KRABD3: variants seen among roughly 807,000 people sequenced by gnomAD.
KRABD3 encodes the protein KRAB domain-containing protein 3.
chr7:149,722,485 G>T, the KRABD3 span: 1 of 890,578 alleles, frequency 1.1e-6, no homozygotes, highest in Non-Finnish European at 1.7e-6. Context: ...GGGGAGCCCA[G>T]CCCTCCCACC....
chr7:149,728,484 C>A, the KRABD3 span: 1 of 1,604,782 alleles, frequency 6.2e-7, no homozygotes. Flanking sequence ...AGAGATTGAG[C>A]TACAGTCCCC....
At chr7:149,722,352 C>A in the KRABD3 span, 1 of 1,556,144 alleles carries the variant, frequency 6.4e-7, no homozygotes, top group South Asian at 1.2e-5. Context: ...CTATGGGAAC[C>A]AGATCTGGTG....
At chr7:149,723,839 G>A in the KRABD3 span, 8 of 1,613,932 alleles carry the variant, frequency 5.0e-6, no homozygotes, top group Non-Finnish European at 5.9e-6. Flanking sequence ...TCAGGAGTGG[G>A]GAACCGACGG....
At chr7:149,722,932 G>C in the KRABD3 span, 2 of 1,603,994 alleles carry the variant, frequency 1.2e-6, no homozygotes, top group Non-Finnish European at 1.7e-6. Flanking sequence ...AGCAGACCTG[G>C]GGCCTGGGAG....
At chr7:149,721,036 G>C in the KRABD3 span, 307,944 of 1,597,606 alleles carry the variant, frequency 0.19, 31,428 homozygotes, top group Middle Eastern at 0.35. Flanking sequence ...TCTGCACTCC[G>C]CATGATGAAG....
the KRABD3 span, chr7:149,734,275 C>G: frequency 3.4e-6 from 2 of 583,418 alleles, no homozygotes; most frequent in Non-Finnish European, 5.9e-6. Flanking sequence ...GGCTCAGATT[C>G]AATCAAATGT....
At chr7:149,725,303 C>G in the KRABD3 span, 7 of 1,568,058 alleles carry the variant, frequency 4.5e-6, no homozygotes, top group Non-Finnish European at 6.1e-6. Context: ...AGGGTGCTCT[C>G]TCCTGTTCCA....
At chr7:149,730,190 C>T in the KRABD3 span, 1 of 1,574,504 alleles carries the variant, frequency 6.4e-7, no homozygotes, top group Non-Finnish European at 8.6e-7. Context: ...TGGAGAGCGC[C>T]CTGAGGGGGA....
At chr7:149,715,332 A>T in the KRABD3 span, 1 of 1,210,400 alleles carries the variant, frequency 8.3e-7, no homozygotes, top group East Asian at 3.3e-5. Context: ...TAGAGTGGGC[A>T]TGAAGGCCTC....
the KRABD3 span, chr7:149,725,814 C>T: frequency 9.9e-5 from 136 of 1,370,534 alleles, 1 homozygote; most frequent in South Asian, 1.6e-3. Context: ...TTCTGGTGCC[C>T]GTGCACCCCA....
At chr7:149,726,818 G>A in the KRABD3 span, among the ~76,000 whole-genome samples, 1 of 151,990 alleles carries the variant, frequency 6.6e-6, no homozygotes, top group Admixed American at 6.6e-5. Flanking sequence ...CTGAGGCAGG[G>A]GATCACTTGA....
chr7:149,729,035 C>T, the KRABD3 span, among the ~76,000 whole-genome samples: 45 of 152,238 alleles, frequency 3.0e-4, no homozygotes, highest in Non-Finnish European at 1.0e-4. Context: ...AGGGTTCAGG[C>T]GCTCCCTGGA....
chr7:149,728,160 G>C, the KRABD3 span, among the ~76,000 whole-genome samples: 1 of 152,266 alleles, frequency 6.6e-6, no homozygotes, highest in Admixed American at 6.5e-5. Flanking sequence ...TGCTGTGAGT[G>C]GTGAAGGAAG....
At chr7:149,731,077 G>A in the KRABD3 span, among the ~76,000 whole-genome samples, 1 of 152,194 alleles carries the variant, frequency 6.6e-6, no homozygotes, top group African/African-American at 2.4e-5. Context: ...GGTCCCAGTT[G>A]CCTGGGAGAA....
the KRABD3 span, chr7:149,731,810 G>A: frequency 1.1e-5 from 17 of 1,517,318 alleles, no homozygotes; most frequent in Admixed American, 1.9e-5. Flanking sequence ...CCCTCTGCAC[G>A]GGCCAGGACC....
the KRABD3 span, chr7:149,719,725 G>A: frequency 1.9e-6 from 3 of 1,565,852 alleles, no homozygotes; most frequent in Admixed American, 4.1e-5. The surrounding 1 kb of genome is among the most constrained non-coding windows in gnomAD (Gnocchi z 5.6). Context: ...GGCGGTGGAA[G>A]GGAGGCCGGA....
the KRABD3 span, among the ~76,000 whole-genome samples, chr7:149,716,903 G>A: frequency 1.1e-4 from 16 of 152,212 alleles, no homozygotes; most frequent in African/African-American, 2.2e-4. Flanking sequence ...CCTCTATGAG[G>A]TAGGTTGTTA....
the KRABD3 span, chr7:149,715,368 T>TCTGTTCTTGGTGGAATCCTGGATCCCCCG: frequency 8.5e-7 from 1 of 1,170,032 alleles, no homozygotes; most frequent in Non-Finnish European, 1.1e-6. Flanking sequence ...ATCTCATACT[T>TCTGTTCTTGGTGGAATCCTGGATCCCCCG]CTGTTCTTGG....
At chr7:149,721,856 C>T in the KRABD3 span, 1 of 533,736 alleles carries the variant, frequency 1.9e-6, no homozygotes, top group African/African-American at 1.9e-5. Flanking sequence ...TACCTGTGTG[C>T]ACTGGTCTGA....
Sources: allele counts gnomAD v4.1 joint callset (sites outside exome capture counted in the v4.1 genomes callset), GRCh38; gene constraint gnomAD v4.1.1; non-coding constraint Gnocchi (gnomAD v3.1); transcripts MANE v1.5; gene names NCBI Gene and HGNC (gene_info 2026-07-23, HGNC 2026-07-21).